RERG: variants seen among roughly 807,000 people sequenced by gnomAD.
The protein encoded by RERG is ras-related and estrogen-regulated growth inhibitor.
RERG carries 25 observed loss-of-function variants against 23.2 expected under a neutral mutation model. The ratio of observed to expected loss-of-function variants is 1.08; its 90% confidence interval spans 0.79 to 1.50. The LOEUF is 1.50. RERG is among the 40% of genes most tolerant of loss of function. RERG has a pLI of 0.00. For synonymous variants in RERG, 81 were observed against 89.1 expected (o/e 0.91, Z 0.51); for missense variants, 253 against 250.1 (o/e 1.01, Z -0.08).
At chr12:15,128,687 T>G (rs944310790) in intron 2 of RERG, among the ~76,000 whole-genome samples, 12 of 152,216 alleles carry the variant, frequency 7.9e-5, no homozygotes, top group Non-Finnish European at 1.8e-4. Context: ...TTGTGTTTTC[T>G]GGAAAAACTC....
At chr12:15,121,557 G>T (rs987907538) in intron 2 of RERG, among the ~76,000 whole-genome samples, 1 of 152,162 alleles carries the variant, frequency 6.6e-6, no homozygotes, top group Admixed American at 6.5e-5. Context: ...TCACTAGCAG[G>T]TCATTTGCAT....
At chr12:15,180,637 G>C (rs1864911241) in intron 2 of RERG, among the ~76,000 whole-genome samples, 1 of 152,196 alleles carries the variant, frequency 6.6e-6, no homozygotes, top group African/African-American at 2.4e-5. Flanking sequence ...GAAGTGCACT[G>C]GCTGAAGTAA....
Position 15,108,447 on chromosome 12 carries a change from T to C in RERG, c.*663A>G, listed in dbSNP as rs1212653760. 1 of 152,592 alleles carries C rather than the reference T, an allele frequency of 6.6e-6. No individual in the cohort carries two copies. Among genetic ancestry groups the C allele is most frequent in the African/African-American group, 2.4e-5 (1 of 41,440 alleles). The allele number at this position is 152,592 out of a possible 1,614,324, so 9.5% of individuals were successfully genotyped here. A position where few individuals can be genotyped will look rare whatever the true frequency, so the allele number is the denominator to read the frequency against. ...ATTTTGTGTCCTATTGCCTTTGTTA[T>C]AGGGAAAATATTGTTTGAGCCAAGG... is the stretch of plus-strand genomic sequence containing the variant. On this transcript the variant is annotated 3_prime_UTR_variant, in exon 5 of 5. Transcript: ENST00000256953.
rs530247844 is a variant in RERG, at chr12:15,144,586, C to A, written c.62-23467G>T. ...ACTTGTTTCAAATGTTGCAAATAAACACGATGAGAACTGGGAACTGGATTT... is the reference window on the plus strand; with the variant it reads ...ACTTGTTTCAAATGTTGCAAATAAAAACGATGAGAACTGGGAACTGGATTT... On this transcript the variant is annotated intron_variant, in intron 2 of 4. Transcript: ENST00000256953. 2.7e-4 allele frequency among the ~76,000 whole-genome samples: 41 copies of A among 152,278 alleles called. No homozygotes were observed. In the South Asian group the frequency reaches 8.3e-3, roughly 31 times the overall value.
chr12:15,123,435 T>A (rs1863874579), intron 2 of RERG, among the ~76,000 whole-genome samples: 1 of 150,218 alleles, frequency 6.7e-6, no homozygotes, highest in Non-Finnish European at 1.5e-5. Context: ...TTTGAGCATA[T>A]ATATGTGTAT....
rs80129958 is a variant in RERG, at chr12:15,125,920, A to G, written c.62-4801T>C. 6.9e-3 allele frequency among the ~76,000 whole-genome samples: 1,044 copies of G among 151,664 alleles called. 10 individuals carry two copies. Among genetic ancestry groups the G allele is most frequent in the African/African-American group, 0.024 (1,000 of 41,448 alleles). On this transcript the variant is annotated intron_variant, in intron 2 of 4. Transcript: ENST00000256953. ...AATATATGGATACGGATATGAATAC[A>G]ATGTATGTATATTGGTGAAGAAACT...
chr12:15,115,244 C>A (rs968285126), intron 3 of RERG, among the ~76,000 whole-genome samples: 1 of 152,078 alleles, frequency 6.6e-6, no homozygotes, highest in Non-Finnish European at 1.5e-5. Context: ...ACTCATTAAT[C>A]CTCACAAATA....
At chr12:15,147,067 CAAA>C (rs544852513) in intron 2 of RERG, among the ~76,000 whole-genome samples, 96 of 105,610 alleles carry the variant, frequency 9.1e-4, no homozygotes, top group African/African-American at 2.6e-3. Flanking sequence ...TCAGTGAAGC[CAAA>C]AAAAAAAAAA....
At chr12:15,180,846 G>A (rs547971148) in intron 2 of RERG, among the ~76,000 whole-genome samples, 2 of 152,280 alleles carry the variant, frequency 1.3e-5, no homozygotes, top group East Asian at 3.9e-4. Context: ...CAATACTCTT[G>A]CTCCAAACTG....
At chr12:15,192,472 A>T (rs539504466) in intron 2 of RERG, among the ~76,000 whole-genome samples, 1 of 152,186 alleles carries the variant, frequency 6.6e-6, no homozygotes, top group African/African-American at 2.4e-5. Context: ...TAAATATTGC[A>T]TATGCAATAC....
chr12:15,120,183 G>A (rs1863805469), intron 3 of RERG, among the ~76,000 whole-genome samples: 1 of 152,134 alleles, frequency 6.6e-6, no homozygotes, highest in Non-Finnish European at 1.5e-5. Context: ...AGAACTATTA[G>A]TCAAATACTA....
chr12:15,217,296 A>G, intron 2 of RERG, 133 bp downstream of exon 2: 1 of 677,180 alleles, frequency 1.5e-6, no homozygotes, highest in Non-Finnish European at 2.7e-6. Context: ...AGATGAAGAG[A>G]CTTTATCTAA....
chr12:15,159,083 A>G (rs996956690), intron 2 of RERG, among the ~76,000 whole-genome samples: 1 of 152,154 alleles, frequency 6.6e-6, no homozygotes, highest in African/African-American at 2.4e-5. Context: ...CATTTCTTCT[A>G]CATTTATTGG....
At chr12:15,176,156 C>T (rs1864848579) in intron 2 of RERG, among the ~76,000 whole-genome samples, 1 of 152,028 alleles carries the variant, frequency 6.6e-6, no homozygotes, top group East Asian at 1.9e-4. Context: ...CCAGAAGTTT[C>T]CTACTAGTAT....
intron 2 of RERG, among the ~76,000 whole-genome samples, chr12:15,195,577 GTGTGTGTGTGTGTGTGTGTGTGTGCA>G (rs1405760558): frequency 7.7e-5 from 10 of 129,678 alleles, no homozygotes; most frequent in Non-Finnish European, 3.4e-5. Context: ...GTGTGTGTGT[GTGTGTGTGTGTGTGTGTGTGTGTGCA>G]TGTGTGTGTT....
chr12:15,207,575 A>G (rs1462328262), intron 2 of RERG, among the ~76,000 whole-genome samples: 2 of 152,154 alleles, frequency 1.3e-5, no homozygotes, highest in Non-Finnish European at 2.9e-5. Context: ...AGGATCTAGA[A>G]GCAAAATCAC....
intron 2 of RERG, among the ~76,000 whole-genome samples, chr12:15,144,111 G>A (rs1292235547): frequency 6.6e-6 from 1 of 152,054 alleles, no homozygotes; most frequent in Non-Finnish European, 1.5e-5. Flanking sequence ...AGTGAAGGAT[G>A]ACTCCAAGGT....
chr12:15,136,348 T>A (rs1227577470), intron 2 of RERG, among the ~76,000 whole-genome samples: 1 of 152,042 alleles, frequency 6.6e-6, no homozygotes, highest in Non-Finnish European at 1.5e-5. Flanking sequence ...AATTAATGTT[T>A]AGTTTTGTTA....
chr12:15,114,312 G>T (rs907197393), intron 3 of RERG, among the ~76,000 whole-genome samples: 3 of 152,056 alleles, frequency 2.0e-5, no homozygotes, highest in African/African-American at 7.2e-5. Flanking sequence ...ATAGGCTAAA[G>T]ACTGGAGAAC....
Sources: gnomAD v4.1 joint callset for allele counts (sites outside exome capture counted in the v4.1 genomes callset) on GRCh38, gnomAD v4.1.1 for gene constraint, MANE v1.5 for transcripts, NCBI Gene and HGNC (gene_info 2026-07-23, HGNC 2026-07-21) for gene names.